Variants in GPR149 observed in about 807,000 individuals in gnomAD.
The protein encoded by GPR149 is G protein-coupled receptor 149.
GPR149 carries 50 observed loss-of-function variants against 50.2 expected under a neutral mutation model. That is an observed-to-expected ratio of 1.00 (90% CI 0.79 to 1.26). The LOEUF (loss-of-function observed/expected upper bound fraction) is 1.26, where lower values mean the gene tolerates loss of function less well. Ranked by LOEUF, GPR149 falls within the 50% of genes most tolerant of loss-of-function variation. GPR149 has a pLI of 0.00. For synonymous variants in GPR149, 405 were observed against 358.2 expected (o/e 1.13, Z -1.48); for missense variants, 983 against 895.4 (o/e 1.10, Z -1.25).
chr3:154,410,380 C>G lies in GPR149; in HGVS notation c.1623+10659G>C, dbSNP rs563917272. ...TGATTAATAGAATAGTACCTCACGT[C>G]TCAATACTAACATTGAATGTAAATG... On this transcript the variant is annotated intron_variant, in intron 3 of 3. Transcript: ENST00000389740. 3.1e-4 allele frequency among the ~76,000 whole-genome samples: 47 copies of G among 152,214 alleles called. No individual in the cohort carries two copies. The South Asian group carries it at 9.1e-3, about 30-fold the overall frequency.
intron 3 of GPR149, among the ~76,000 whole-genome samples, chr3:154,341,330 TATATATATATAA>T (rs1464561497): frequency 1.0e-4 from 9 of 88,888 alleles, no homozygotes; most frequent in African/African-American, 3.8e-4. Context: ...TATATATATA[TATATATATATAA>T]AATGAGTAGG....
intron 2 of GPR149, among the ~76,000 whole-genome samples, chr3:154,424,849 G>A (rs984965637): frequency 6.7e-6 from 1 of 149,820 alleles, no homozygotes; most frequent in African/African-American, 2.5e-5. Flanking sequence ...ATTTTTCGGA[G>A]TAATGTCACT....
chr3:154,371,639 T>C (rs553009281), intron 3 of GPR149, among the ~76,000 whole-genome samples: 1 of 152,288 alleles, frequency 6.6e-6, no homozygotes, highest in Admixed American at 6.5e-5. Flanking sequence ...CCTAGACTTA[T>C]TAACAGCTAA....
chr3:154,384,319 A>G (rs1188527933), intron 3 of GPR149, among the ~76,000 whole-genome samples: 1 of 152,256 alleles, frequency 6.6e-6, no homozygotes, highest in Non-Finnish European at 1.5e-5. Flanking sequence ...AAGCATAAAA[A>G]GAATTATTCA....
At chr3:154,422,373 A>G (rs1712171171) in intron 2 of GPR149, among the ~76,000 whole-genome samples, 1 of 151,692 alleles carries the variant, frequency 6.6e-6, no homozygotes, top group Non-Finnish European at 1.5e-5. Context: ...ATTAAGAATG[A>G]AGTTATATCA....
chr3:154,340,071 C>A (rs748197900), intron 3 of GPR149, among the ~76,000 whole-genome samples: 1 of 152,042 alleles, frequency 6.6e-6, no homozygotes, highest in Admixed American at 6.5e-5. Flanking sequence ...GGATTACAGG[C>A]ATGAGCCACC....
At chr3:154,363,516 G>T (rs1351763123) in intron 3 of GPR149, among the ~76,000 whole-genome samples, 3 of 152,076 alleles carry the variant, frequency 2.0e-5, no homozygotes, top group Non-Finnish European at 4.4e-5. Context: ...GGAAGAGGGT[G>T]CTCTCTTCAA....
chr3:154,352,344 T>C, intron 3 of GPR149: 2 of 1,118,720 alleles, frequency 1.8e-6, no homozygotes, highest in Non-Finnish European at 2.6e-6. Flanking sequence ...CTTGTTTCCA[T>C]CATAATATTC....
At chr3:154,354,808 AC>A in intron 3 of GPR149, 1 of 634,128 alleles carries the variant, frequency 1.6e-6, no homozygotes, top group Non-Finnish European at 2.3e-6. Context: ...ATTACTGGCC[AC>A]CACCTCCCTC....
chr3:154,405,231 C>T (rs1711651234), intron 3 of GPR149, among the ~76,000 whole-genome samples: 1 of 152,010 alleles, frequency 6.6e-6, no homozygotes, highest in African/African-American at 2.4e-5. Flanking sequence ...CTTTAATACA[C>T]ACAAACAATA....
Position 154,379,056 on chromosome 3 carries a change from A to G in GPR149, c.1624-40785T>C. Among the ~76,000 whole-genome samples, 2 of 2,842 alleles carry G rather than the reference A, an allele frequency of 7.0e-4. 1 individual carries two copies. Among genetic ancestry groups the G allele is most frequent in the Non-Finnish European group, 1.6e-3 (2 of 1,286 alleles). The allele number at this position is 2,842 out of a possible 152,430, so 1.9% of individuals were successfully genotyped here. ...GAGATCAAGACCATCCTGGCTAACAAGGTGAAACCCCGTCTCTACTAAAAA... is the reference window on the plus strand; with the variant it reads ...GAGATCAAGACCATCCTGGCTAACAGGGTGAAACCCCGTCTCTACTAAAAA... On this transcript the variant is annotated intron_variant, in intron 3 of 3. Transcript: ENST00000389740.
rs899056879 is a variant in GPR149 at position 154,335,206 on chromosome 3, A to G, written c.*2493T>C. ...AAGAGAAAACTATACAAAATATAGT[A>G]TTTATTAATAAGAAGAACAATATAA... On this transcript the variant is annotated 3_prime_UTR_variant, in exon 4 of 4. Coordinates refer to ENST00000389740, the MANE Select transcript of GPR149 (RefSeq NM_001038705.3). 7 of 152,210 alleles carry G rather than the reference A, an allele frequency of 4.6e-5. No individual in the cohort carries two copies. The highest frequency in any genetic ancestry group is 5.9e-5 in the Non-Finnish European group (4 of 68,028). The allele number at this position is 152,210 out of a possible 1,614,324, so 9.4% of individuals were successfully genotyped here.
intron 2 of GPR149, among the ~76,000 whole-genome samples, chr3:154,425,781 CTG>C (rs1229459369): frequency 6.6e-6 from 1 of 152,048 alleles, no homozygotes; most frequent in East Asian, 1.9e-4. Flanking sequence ...ATGAGTGTGA[CTG>C]TTGATTCTGC....
chr3:154,429,337 C>A lies in GPR149; in HGVS notation c.279G>T (p.Trp93Cys), dbSNP rs765336800. The change falls in exon 1 of 4, where the codon TGG becomes TGT. Residue 93 changes from tryptophan to cysteine, a missense_variant. Trp to Cys is a radical substitution (Grantham distance 215). Coordinates refer to ENST00000389740, the MANE Select transcript of GPR149 (RefSeq NM_001038705.3). ...LSVTIFMFLQ[W>C]PNEVPGYFQF... ...GGAAGTAACCGGGGACCTCGTTTGG[C>A]CACTGCAAAAACATGAAGATGGTCA... is the stretch of plus-strand genomic sequence containing the variant. 3 of 1,614,024 alleles carry A rather than the reference C, an allele frequency of 1.9e-6. No individual in the cohort carries two copies. In the South Asian group the frequency reaches 3.3e-5, roughly 18 times the overall value.
At chr3:154,338,648 T>C (rs1444998235) in intron 3 of GPR149, among the ~76,000 whole-genome samples, 5 of 152,244 alleles carry the variant, frequency 3.3e-5, no homozygotes, top group African/African-American at 1.2e-4. Context: ...CTCAGTTACA[T>C]TAAAACGTTT....
intron 3 of GPR149, among the ~76,000 whole-genome samples, chr3:154,409,727 G>A (rs191711615): frequency 2.0e-5 from 3 of 152,194 alleles, no homozygotes; most frequent in African/African-American, 7.2e-5. Flanking sequence ...AGAAGTTTGG[G>A]ACTGTGTTAA....
In GPR149 at chr3:154,352,327, TAGA is replaced by T. The variant is rs968004775; in HGVS notation, c.1624-14059_1624-14057del. ...GACCAGCCATTCCTCCGTTGGGGAT[TAGA>T]AGACTTGTTTCCATCATAATATTCT... On this transcript the variant is annotated intron_variant, in intron 3 of 3. Transcript: ENST00000389740. 4 of 1,033,720 alleles carry T rather than the reference TAGA, an allele frequency of 3.9e-6. No individual in the cohort carries two copies. In the African/African-American group the frequency reaches 6.4e-5, roughly 16 times the overall value. 64.0% of individuals were successfully genotyped at this position (1,033,720 alleles called of 1,614,324 possible).
intron 3 of GPR149, among the ~76,000 whole-genome samples, chr3:154,372,096 C>A (rs916326257): frequency 3.9e-5 from 6 of 152,034 alleles, no homozygotes; most frequent in African/African-American, 4.8e-5. Context: ...GAACGACTGC[C>A]GTCCAGTTCC....
At chr3:154,352,175 A>G in intron 3 of GPR149, 1 of 782,960 alleles carries the variant, frequency 1.3e-6, no homozygotes, top group Non-Finnish European at 2.0e-6. Flanking sequence ...TTCTTGATCG[A>G]GTTCTATTCC....
Sources: gnomAD v4.1 joint callset for allele counts (sites outside exome capture counted in the v4.1 genomes callset) on GRCh38, gnomAD v4.1.1 for gene constraint, MANE v1.5 for transcripts, NCBI Gene and HGNC (gene_info 2026-07-23, HGNC 2026-07-21) for gene names.